SERAC1: variants seen among roughly 807,000 people sequenced by gnomAD.
The protein encoded by SERAC1 is protein SERAC1.
Under a neutral mutation model 85.7 loss-of-function variants are expected in SERAC1, and 36 were observed. The observed-to-expected ratio is 0.42, with a 90% CI of 0.32 to 0.55. SERAC1 has a LOEUF of 0.55. Ranked by LOEUF, SERAC1 falls within the 20% of genes least tolerant of loss-of-function variation. The pLI, the probability that SERAC1 is intolerant of heterozygous loss-of-function variation, is 0.11. For missense variants in SERAC1, 629 were observed against 796.2 expected, an observed-to-expected ratio of 0.79 and a Z score of 2.53; for synonymous variants, 242 against 265.3, an observed-to-expected ratio of 0.91 and a Z score of 0.85.
At chr6:158,161,895 T>G (rs971157266) in intron 1 of SERAC1, 3 of 152,060 alleles carry the variant, frequency 2.0e-5, no homozygotes, top group Non-Finnish European at 4.4e-5. Flanking sequence ...AACTATCCAA[T>G]CCTAAGTTTG....
At chr6:158,159,498 C>T (rs1263688395) in intron 1 of SERAC1, among the ~76,000 whole-genome samples, 3 of 124,724 alleles carry the variant, frequency 2.4e-5, no homozygotes, top group Non-Finnish European at 3.3e-5. Flanking sequence ...GAGTGAGACC[C>T]GGTTTCAAAA....
chr6:158,142,624 G>A (rs1275884375), intron 8 of SERAC1, among the ~76,000 whole-genome samples: 1 of 151,988 alleles, frequency 6.6e-6, no homozygotes, highest in Non-Finnish European at 1.5e-5. Context: ...CTATGGGCAT[G>A]TGCCACCACG....
intron 8 of SERAC1, among the ~76,000 whole-genome samples, chr6:158,138,335 T>C (rs528396336): frequency 6.7e-6 from 1 of 149,062 alleles, no homozygotes; most frequent in South Asian, 2.1e-4. Context: ...GTCGGGAGGC[T>C]GAGGCAGGAG....
chr6:158,127,338 C>T (rs1415163062), intron 10 of SERAC1, among the ~76,000 whole-genome samples: 5 of 99,038 alleles, frequency 5.0e-5, no homozygotes, highest in Admixed American at 4.4e-4. Flanking sequence ...AGGAGCCCCT[C>T]TGCCCGGCCA....
At chr6:158,114,700 A>C (rs1315697127) in intron 15 of SERAC1, 89 bp downstream of exon 15, 1 of 1,591,794 alleles carries the variant, frequency 6.3e-7, no homozygotes, top group Middle Eastern at 1.7e-4. Context: ...ATAAAATGAG[A>C]TAATACATTC....
At chr6:158,155,772 G>A (rs929847094) in intron 2 of SERAC1, among the ~76,000 whole-genome samples, 10 of 152,208 alleles carry the variant, frequency 6.6e-5, no homozygotes, top group African/African-American at 2.4e-4. Context: ...ATATTGTCAA[G>A]TGGGGACATA....
At chr6:158,116,091 A>G in intron 14 of SERAC1, 94 bp downstream of exon 14, 1 of 1,001,014 alleles carries the variant, frequency 1.0e-6, no homozygotes, top group South Asian at 1.4e-5. Flanking sequence ...AGCCGCTATT[A>G]AGTAAAATGG....
chr6:158,143,324 T>C (rs1459667873), intron 7 of SERAC1, 140 bp from the exon 8 acceptor site: 1 of 204,450 alleles, frequency 4.9e-6, no homozygotes, highest in East Asian at 5.6e-5. Context: ...TCTCTCTCTC[T>C]CTCTCTCTCT....
In SERAC1 at chr6:158,113,527, C is replaced by T. The variant is rs1784197151; in HGVS notation, c.1750G>A (p.Val584Met). Reference protein sequence around the residue: ...LEFAKDKNFQVLNFVETLPTY... With the variant: ...LEFAKDKNFQMLNFVETLPTY... ...GGTAGTGTTTCCACAAAATTCAGCA[C>T]CTGGAAGTTTTTGTCTTTAGCAAAC... Residue 584 changes from valine (V) to methionine (M), a missense_variant, in exon 16 of 17, where the codon GTG (valine) becomes ATG (methionine). Physicochemically the swap from Val to Met is conservative, Grantham distance 21. Transcript: ENST00000647468. The T allele has an allele frequency of 1.2e-6, 2 of 1,613,770 alleles. No individual in the cohort carries two copies. Among genetic ancestry groups the T allele is most frequent in the Non-Finnish European group, 1.7e-6 (2 of 1,179,840 alleles).
chr6:158,121,715 TAATAA>T (rs990699432), intron 10 of SERAC1, among the ~76,000 whole-genome samples: 10 of 152,092 alleles, frequency 6.6e-5, no homozygotes, highest in South Asian at 2.1e-4. Context: ...GATTTTAAAA[TAATAA>T]AATAAGAATA....
At chr6:158,164,976 C>T (rs1487395460) in intron 1 of SERAC1, among the ~76,000 whole-genome samples, 1 of 152,158 alleles carries the variant, frequency 6.6e-6, no homozygotes, top group Non-Finnish European at 1.5e-5. Flanking sequence ...CATCTTAACA[C>T]CAAGCATCTT....
At chr6:158,157,067 G>A (rs1367135384) in intron 2 of SERAC1, among the ~76,000 whole-genome samples, 2 of 150,260 alleles carry the variant, frequency 1.3e-5, no homozygotes, top group Admixed American at 6.7e-5. Context: ...CACAATCTCA[G>A]CTCACTGCAA....
At chr6:158,144,508 CTAATTTT>C in intron 6 of SERAC1, 88 bp from the exon 7 acceptor site, 2 of 1,316,368 alleles carry the variant, frequency 1.5e-6, no homozygotes, top group Non-Finnish European at 2.1e-6. Context: ...TGAAAGCACT[CTAATTTT>C]TAAACTGCTC....
chr6:158,144,485 T>C, intron 6 of SERAC1, 65 bp from the exon 7 acceptor site: 1 of 1,459,986 alleles, frequency 6.8e-7, no homozygotes, highest in South Asian at 1.3e-5. Context: ...AAAGATTAAC[T>C]GAACAAACAA....
At chr6:158,132,482 GGGT>G (rs1327381417) in intron 8 of SERAC1, among the ~76,000 whole-genome samples, 7 of 152,120 alleles carry the variant, frequency 4.6e-5, no homozygotes, top group Non-Finnish European at 8.8e-5. Flanking sequence ...CTTTGTCGGG[GGGT>G]AGGAATTTTT....
chr6:158,138,055 C>T (rs971723099), intron 8 of SERAC1, among the ~76,000 whole-genome samples: 1 of 151,972 alleles, frequency 6.6e-6, no homozygotes, highest in South Asian at 2.1e-4. Context: ...TAACTATGAA[C>T]ACACACACAC....
intron 8 of SERAC1, among the ~76,000 whole-genome samples, chr6:158,136,588 T>C (rs1344827393): frequency 6.6e-6 from 1 of 152,112 alleles, no homozygotes; most frequent in East Asian, 1.9e-4. Flanking sequence ...CTCGAACTCC[T>C]GGACTGAGGT....
At chr6:158,126,376 TC>T (rs5881243) in intron 10 of SERAC1, among the ~76,000 whole-genome samples, 79,572 of 151,892 alleles carry the variant, frequency 0.52, 21,117 homozygotes, top group African/African-American at 0.59. Flanking sequence ...TTGCTGGGGC[TC>T]CCATTAGTCA....
In SERAC1 at chr6:158,143,347, CTATA is replaced by C. The variant is rs753604114; in HGVS notation, c.610-167_610-164del. Among the ~76,000 whole-genome samples the C allele has an allele frequency of 0.029, 1,351 of 46,130 alleles. 6 individuals are homozygous for C. The highest frequency in any genetic ancestry group is 0.057 in the African/African-American group (527 of 9,294). 30.3% of individuals were successfully genotyped at this position (46,130 alleles called of 152,430 possible). A position where few individuals can be genotyped will look rare whatever the true frequency, so the allele number is the denominator to read the frequency against. On this transcript the variant is annotated intron_variant, in intron 7 of 16. Coordinates refer to ENST00000647468, the MANE Select transcript of SERAC1 (RefSeq NM_032861.4). ...TCTCTCTCTCTCTCTCTCTCTCTCT[CTATA>C]TATATATATATATATATATATATAC...
Sources: allele counts gnomAD v4.1 joint callset (sites outside exome capture counted in the v4.1 genomes callset), GRCh38; gene constraint gnomAD v4.1.1; transcripts MANE v1.5; gene names NCBI Gene and HGNC (gene_info 2026-07-23, HGNC 2026-07-21).